PARP12: variants seen among roughly 807,000 people sequenced by gnomAD.
The protein encoded by PARP12 is protein mono-ADP-ribosyltransferase PARP12.
Under a neutral mutation model 72.4 loss-of-function variants are expected in PARP12, and 59 were observed. That is an observed-to-expected ratio of 0.81 (90% CI 0.66 to 1.01). PARP12 has a LOEUF of 1.01. Among genes scored for constraint, PARP12 ranks in the 50% least tolerant of loss-of-function variants. The pLI, the probability that PARP12 is intolerant of heterozygous loss-of-function variation, is 0.00. For missense variants in PARP12, 851 were observed against 914.0 expected (o/e 0.93, Z 0.89); for synonymous variants, 403 against 371.4 (o/e 1.09, Z -0.98).
Position 140,027,296 on chromosome 7 carries a change from G to GTA in PARP12, c.1607_1608insTA (p.Leu537ThrfsTer117), listed in dbSNP as rs1277164760. 2 of 1,613,722 alleles carry GTA rather than the reference G, an allele frequency of 1.2e-6. No homozygotes were observed. On this transcript the variant is annotated frameshift_variant, in exon 10 of 12. Transcript: ENST00000263549. LOFTEE classifies it high-confidence loss of function. ...CGCACCACTGGTAGACTTCCCAGAG[G>GTA]GCCAGGTTCTGTACTCGCTCAATCT...
chr7:140,045,023 C>T (rs904828786), intron 5 of PARP12, among the ~76,000 whole-genome samples: 1 of 150,274 alleles, frequency 6.7e-6, no homozygotes, highest in African/African-American at 2.5e-5. Context: ...TACAGTGCAT[C>T]TTTTTCTTTT....
intron 5 of PARP12, among the ~76,000 whole-genome samples, chr7:140,045,310 G>C (rs1030515841): frequency 5.3e-5 from 8 of 152,296 alleles, no homozygotes; most frequent in African/African-American, 1.9e-4. Context: ...TGGGATAACA[G>C]GTATGAGCTG....
intron 10 of PARP12, among the ~76,000 whole-genome samples, 165 bp downstream of exon 10, chr7:140,027,111 A>T (rs1036542014): frequency 3.9e-5 from 6 of 152,168 alleles, no homozygotes; most frequent in African/African-American, 1.4e-4. Flanking sequence ...GTGCTACCAC[A>T]CTGCCCTGGG....
rs187937227 is a variant in PARP12, at chr7:140,045,246, T to A, written c.986+1638A>T. Reference sequence around the variant, plus strand: ...CAAGGTCTCTTTATGTTGCCCAGGCTAGTTGTGTATTCCCAGCCTCTAGCA... The same window carrying A: ...CAAGGTCTCTTTATGTTGCCCAGGCAAGTTGTGTATTCCCAGCCTCTAGCA... On this transcript the variant is annotated intron_variant, in intron 5 of 11. Transcript: ENST00000263549. 1.2e-4 allele frequency among the ~76,000 whole-genome samples: 19 copies of A among 152,242 alleles called. No homozygotes were observed. The East Asian group carries it at 3.7e-3, about 29-fold the overall frequency.
chr7:140,050,116 A>G (rs568394489), intron 4 of PARP12, among the ~76,000 whole-genome samples: 199 of 152,342 alleles, frequency 1.3e-3, no homozygotes, highest in Non-Finnish European at 2.1e-3. Context: ...TGCTAAAACT[A>G]TGGAGCAATG....
intron 8 of PARP12, chr7:140,033,517 G>A: frequency 2.0e-6 from 2 of 985,416 alleles, no homozygotes; most frequent in South Asian, 4.7e-5. Context: ...TCTCCACCAT[G>A]CAGGCCACCT....
intron 2 of PARP12, 84 bp downstream of exon 2, chr7:140,057,815 C>T: frequency 1.9e-6 from 3 of 1,554,888 alleles, no homozygotes; most frequent in Non-Finnish European, 2.6e-6. Flanking sequence ...AGGGCCCACC[C>T]ATTCCACTCC....
chr7:140,045,178 C>T (rs771488353), intron 5 of PARP12, among the ~76,000 whole-genome samples: 59 of 152,114 alleles, frequency 3.9e-4, no homozygotes, highest in South Asian at 1.5e-3. Flanking sequence ...TACAGGCACG[C>T]GCCACCATGC....
At chr7:140,038,976 G>A (rs1816336884) in intron 6 of PARP12, among the ~76,000 whole-genome samples, 1 of 152,226 alleles carries the variant, frequency 6.6e-6, no homozygotes, top group Non-Finnish European at 1.5e-5. Flanking sequence ...CCAAGGAAGG[G>A]TGAGACCCAG....
chr7:140,030,583 G>A (rs1274936887), intron 8 of PARP12, among the ~76,000 whole-genome samples: 1 of 151,344 alleles, frequency 6.6e-6, no homozygotes, highest in Non-Finnish European at 1.5e-5. Context: ...GGGCGACAGT[G>A]CGACTCCATC....
At chr7:140,029,206 T>C (rs973430680) in intron 8 of PARP12, 1 of 153,418 alleles carries the variant, frequency 6.5e-6, no homozygotes, top group Non-Finnish European at 1.5e-5. Context: ...CACTGTGATC[T>C]GTATCTATCC....
chr7:140,025,030 C>A (rs1249367029), intron 11 of PARP12, 145 bp from the exon 12 acceptor site: 3 of 706,706 alleles, frequency 4.2e-6, no homozygotes, highest in Non-Finnish European at 7.1e-6. Context: ...TGTGCCATGT[C>A]TCCACTCTCC....
At chr7:140,058,955 CG>C (rs898626077) in intron 1 of PARP12, among the ~76,000 whole-genome samples, 2 of 151,822 alleles carry the variant, frequency 1.3e-5, no homozygotes, top group African/African-American at 4.8e-5. Context: ...ATTAGCCGGG[CG>C]AGGTGGTGCA....
At chr7:140,061,747 T>C (rs917725202) in intron 1 of PARP12, among the ~76,000 whole-genome samples, 1 of 152,180 alleles carries the variant, frequency 6.6e-6, no homozygotes, top group Non-Finnish European at 1.5e-5. Context: ...CGCTAAGTGC[T>C]GGGGAGACAG....
intron 4 of PARP12, among the ~76,000 whole-genome samples, chr7:140,054,177 A>C (rs993094307): frequency 1.1e-4 from 16 of 152,240 alleles, no homozygotes; most frequent in African/African-American, 3.4e-4. Context: ...CTGATAAAAA[A>C]GAGATCACTG....
intron 4 of PARP12, among the ~76,000 whole-genome samples, chr7:140,050,791 C>T (rs1164574859): frequency 6.6e-6 from 1 of 151,584 alleles, no homozygotes; most frequent in Non-Finnish European, 1.5e-5. Flanking sequence ...TTTTAGGATA[C>T]AAAAAACACA....
chr7:140,060,822 C>T (rs888978728), intron 1 of PARP12, among the ~76,000 whole-genome samples: 2 of 152,116 alleles, frequency 1.3e-5, no homozygotes, highest in Non-Finnish European at 2.9e-5. Flanking sequence ...AGGCCTCAGA[C>T]GCTACCTCAG....
chr7:140,051,389 T>C (rs1349376382), intron 4 of PARP12, among the ~76,000 whole-genome samples: 1 of 151,700 alleles, frequency 6.6e-6, no homozygotes, highest in East Asian at 1.9e-4. Context: ...CCTTTAAAGA[T>C]TTTTTTTCTT....
At chr7:140,030,137 G>C (rs1815885405) in intron 8 of PARP12, among the ~76,000 whole-genome samples, 1 of 152,120 alleles carries the variant, frequency 6.6e-6, no homozygotes, top group Non-Finnish European at 1.5e-5. Flanking sequence ...AAGGAAAAAA[G>C]AGTGATTACT....
Sources: allele counts gnomAD v4.1 joint callset (sites outside exome capture counted in the v4.1 genomes callset), GRCh38; gene constraint gnomAD v4.1.1; transcripts MANE v1.5; gene names NCBI Gene and HGNC (gene_info 2026-07-23, HGNC 2026-07-21).